LIMD1: variants seen among roughly 807,000 people sequenced by gnomAD.
LIMD1 encodes LIM domain containing 1.
LIMD1 carries 23 observed loss-of-function variants against 58.4 expected under a neutral mutation model. That is an observed-to-expected ratio of 0.39 (90% confidence interval 0.28 to 0.56). The LOEUF is 0.56. LIMD1 is among the 20% of genes least tolerant of loss of function. LIMD1 has a pLI of 0.57. For missense variants in LIMD1, 838 were observed against 855.5 expected, an observed-to-expected ratio of 0.98 and a Z score of 0.25; for synonymous variants, 334 against 345.5, an observed-to-expected ratio of 0.97 and a Z score of 0.37.
At chr3:45,599,464 A>C (rs1486750804) in intron 1 of LIMD1, among the ~76,000 whole-genome samples, 1 of 152,184 alleles carries the variant, frequency 6.6e-6, no homozygotes, top group African/African-American at 2.4e-5. Flanking sequence ...CAGATAAGCA[A>C]GCACGCACAG....
At position 45,672,638 on chromosome 3, in the gene LIMD1, C is replaced by T. The variant is rs866390585; in HGVS notation, c.1642-52C>T. The T allele has an allele frequency of 2.2e-4, 358 of 1,600,684 alleles. 3 individuals are homozygous for T. The highest frequency in any genetic ancestry group is 2.8e-4 in the Non-Finnish European group (328 of 1,171,090). On this transcript the variant is annotated intron_variant, in intron 4 of 7. Coordinates refer to ENST00000273317, the MANE Select transcript of LIMD1 (RefSeq NM_014240.3). ...GGCCTGATGTGTTCCTCTCCCCTTC[C>T]ACCATCTCATCCTTCCCTATAATCC...
Position 45,594,887 on chromosome 3 carries a change from A to G in LIMD1, c.8A>G (p.Lys3Arg), listed in dbSNP as rs1701325943. MD[K>R]YDDLGLEASK... ...CGGACACCTGTCTGCAGCATGGATA[A>G]GTATGACGACCTGGGCCTGGAGGCC... is the stretch of plus-strand genomic sequence containing the variant. Residue 3 changes from lysine to arginine, a missense_variant, in exon 1 of 8, where the codon AAG becomes AGG. Physicochemically the swap from Lys to Arg is conservative, Grantham distance 26. Around this residue, in one of 3 missense-constraint regions of LIMD1, gnomAD observed 659 missense variants for 639.8 expected, o/e 1.03. Coordinates refer to ENST00000273317, the MANE Select transcript of LIMD1 (RefSeq NM_014240.3). 2 of 1,606,142 alleles carry G rather than the reference A, an allele frequency of 1.2e-6. No individual in the cohort carries two copies. Among genetic ancestry groups the G allele is most frequent in the Non-Finnish European group, 1.7e-6 (2 of 1,177,510 alleles).
intron 2 of LIMD1, among the ~76,000 whole-genome samples, chr3:45,645,004 C>T (rs1018797396): frequency 3.9e-5 from 6 of 152,166 alleles, no homozygotes; most frequent in African/African-American, 9.7e-5. Flanking sequence ...TCATATTCAG[C>T]AGTTCTGTAT....
rs776324020 is a variant in LIMD1 at position 45,595,799 on chromosome 3, G to C, written c.920G>C (p.Arg307Thr). 2 of 1,614,012 alleles carry C rather than the reference G, an allele frequency of 1.2e-6. No individual in the cohort carries two copies. Among genetic ancestry groups the C allele is most frequent in the Non-Finnish European group, 1.7e-6 (2 of 1,180,028 alleles). ...GCACCCTTGGCCCTGAGCTGCCCCA[G>C]GCAAGGAGGTCTTCCAAGATCAAAC... ...VSAPLALSCP[R>T]QGGLPRSNSG... Residue 307 changes from arginine to threonine, a missense_variant, in exon 1 of 8, where the codon AGG (arginine) becomes ACG (threonine). Physicochemically the swap from Arg to Thr is moderately conservative, Grantham distance 71 (BLOSUM62 -1). Around this residue, in one of 3 missense-constraint regions of LIMD1, gnomAD observed 659 missense variants for 639.8 expected, o/e 1.03. Transcript: ENST00000273317.
intron 1 of LIMD1, among the ~76,000 whole-genome samples, chr3:45,619,875 A>G (rs1347368317): frequency 1.7e-5 from 2 of 116,844 alleles, no homozygotes; most frequent in Admixed American, 1.3e-4. Context: ...CCTATATTTT[A>G]TCTGGCAACC....
At chr3:45,604,355 A>G (rs778665273) in intron 1 of LIMD1, among the ~76,000 whole-genome samples, 2 of 152,162 alleles carry the variant, frequency 1.3e-5, no homozygotes, top group African/African-American at 2.4e-5. Context: ...CCTGCATGCC[A>G]TCTCTCTCCA....
At position 45,636,257 on chromosome 3, in the gene LIMD1, T is replaced by A. The variant is rs755436279; in HGVS notation, c.1510+6T>A. On this transcript the variant is annotated splice_donor_region_variant and intron_variant, in intron 2 of 7. Transcript: ENST00000273317. ...CTTCACCTGTGCAGCTTGCAGTAAG[T>A]GTGGGTGTGGGTGTCGGGTGTGTGG... 1.9e-6 allele frequency: 3 copies of A among 1,586,400 alleles called. No homozygotes were observed. The South Asian group carries it at 3.4e-5, about 18-fold the overall frequency.
At chr3:45,649,642 C>A (rs1473249167) in intron 2 of LIMD1, among the ~76,000 whole-genome samples, 3 of 147,624 alleles carry the variant, frequency 2.0e-5, no homozygotes, top group African/African-American at 7.5e-5. Flanking sequence ...GATTGCACCA[C>A]TGCACTCCAG....
intron 2 of LIMD1, 22 bp from the exon 3 acceptor site, chr3:45,665,628 G>T (rs373099354): frequency 1.9e-6 from 3 of 1,607,972 alleles, no homozygotes; most frequent in African/African-American, 2.7e-5. Context: ...TTTTTACCCT[G>T]TGTTTGTGAT....
chr3:45,668,871 G>A lies in LIMD1; in HGVS notation c.1641+515G>A, dbSNP rs569971566. Among the ~76,000 whole-genome samples the A allele has an allele frequency of 7.2e-5, 11 of 152,170 alleles. No individual in the cohort carries two copies. The South Asian group carries it at 1.9e-3, about 26-fold the overall frequency. On this transcript the variant is annotated intron_variant, in intron 4 of 7. Coordinates refer to ENST00000273317, the MANE Select transcript of LIMD1 (RefSeq NM_014240.3). Reference sequence around the variant, plus strand: ...CTAGAGCACACGCTATCATGTTTCCGATAATGCTTTCTCCTCCTCTGGGCT... The same window carrying A: ...CTAGAGCACACGCTATCATGTTTCCAATAATGCTTTCTCCTCCTCTGGGCT...
intron 1 of LIMD1, among the ~76,000 whole-genome samples, chr3:45,618,945 T>C (rs886064007): frequency 1.3e-4 from 20 of 152,212 alleles, no homozygotes; most frequent in African/African-American, 4.6e-4. Flanking sequence ...ATCTGCTTGC[T>C]GTTTACCAGG....
intron 1 of LIMD1, among the ~76,000 whole-genome samples, chr3:45,601,295 C>T (rs1163622467): frequency 6.6e-6 from 1 of 152,180 alleles, no homozygotes; most frequent in Non-Finnish European, 1.5e-5. Context: ...TTAGGGTCAT[C>T]CTAGTTGGCC....
At chr3:45,599,897 G>A (rs1701394647) in intron 1 of LIMD1, among the ~76,000 whole-genome samples, 1 of 152,132 alleles carries the variant, frequency 6.6e-6, no homozygotes, top group Non-Finnish European at 1.5e-5. Flanking sequence ...GCTCTTCTGC[G>A]ACCTACCTTG....
chr3:45,614,062 T>TA (rs1172258669), intron 1 of LIMD1, among the ~76,000 whole-genome samples: 1 of 152,204 alleles, frequency 6.6e-6, no homozygotes, highest in East Asian at 1.9e-4. Flanking sequence ...GCTTGGCTGA[T>TA]ACCCTCCCAA....
intron 7 of LIMD1, 52 bp from the exon 8 acceptor site, chr3:45,676,870 T>C: frequency 6.3e-7 from 1 of 1,592,796 alleles, no homozygotes; most frequent in Non-Finnish European, 8.6e-7. Context: ...TTCAGGTCAG[T>C]CTTGCAGTCT....
At chr3:45,648,210 AC>A (rs1240543227) in intron 2 of LIMD1, among the ~76,000 whole-genome samples, 3 of 152,158 alleles carry the variant, frequency 2.0e-5, no homozygotes, top group Non-Finnish European at 4.4e-5. Context: ...AATAAAGGTG[AC>A]ACTTCCCCAT....
In LIMD1 at chr3:45,679,268, CAA is replaced by C. The variant is rs1471134212; in HGVS notation, c.*2213_*2214del. 1 of 152,042 alleles carries C rather than the reference CAA, an allele frequency of 6.6e-6. No individual in the cohort carries two copies. The highest frequency in any genetic ancestry group is 1.5e-5 in the Non-Finnish European group (1 of 67,992). The allele number at this position is 152,042 out of a possible 1,614,324, so 9.4% of individuals were successfully genotyped here. ...ACCATTTTATATTGTTGAGAAAGAA[CAA>C]AAAGGGAATTTCCAGATGTCCTAGA... On this transcript the variant is annotated 3_prime_UTR_variant, in exon 8 of 8. Transcript: ENST00000273317.
chr3:45,683,639 C>T lies in LIMD1; in HGVS notation c.*6580C>T, dbSNP rs981203205. ...CCCTCCCACAACCAATCAAACTGATCATGGACCTCTGCTTCATTTACATAG... is the reference window on the plus strand; with the variant it reads ...CCCTCCCACAACCAATCAAACTGATTATGGACCTCTGCTTCATTTACATAG... On this transcript the variant is annotated 3_prime_UTR_variant, in exon 8 of 8. Transcript: ENST00000273317. 3.3e-5 allele frequency: 5 copies of T among 152,208 alleles called. No homozygotes were observed. The highest frequency in any genetic ancestry group is 1.3e-4 in the Admixed American group (2 of 15,278). The allele number at this position is 152,208 out of a possible 1,614,324, so 9.4% of individuals were successfully genotyped here. A position where few individuals can be genotyped will look rare whatever the true frequency, so the allele number is the denominator to read the frequency against.
intron 1 of LIMD1, among the ~76,000 whole-genome samples, chr3:45,622,773 A>G (rs973071645): frequency 4.0e-5 from 6 of 151,796 alleles, no homozygotes; most frequent in Non-Finnish European, 7.4e-5. Flanking sequence ...GGTTCAAGCA[A>G]TTCTCCTGCC....
Sources: allele counts gnomAD v4.1 joint callset (sites outside exome capture counted in the v4.1 genomes callset), GRCh38; gene constraint gnomAD v4.1.1; regional missense constraint gnomAD v4.1.1; transcripts MANE v1.5; gene names NCBI Gene and HGNC (gene_info 2026-07-23, HGNC 2026-07-21).